CERS4: variants seen among roughly 807,000 people sequenced by gnomAD.
CERS4 encodes the protein ceramide synthase 4, also known as LAG1 homolog, ceramide synthase 4.
A neutral mutation model predicts 51.8 loss-of-function variants in CERS4; 65 were observed. The observed-to-expected ratio is 1.26, with a 90% CI of 1.03 to 1.54. The LOEUF is 1.54. Ranked by LOEUF, CERS4 falls within the 40% of genes most tolerant of loss-of-function variation. CERS4 has a pLI of 0.00. For missense variants in CERS4, 563 were observed against 500.4 expected (o/e 1.13, Z -1.19); for synonymous variants, 228 against 208.4 (o/e 1.09, Z -0.81).
chr19:8,257,210 G>A (rs1969438885), intron 9 of CERS4, 133 bp downstream of exon 9: 2 of 944,484 alleles, frequency 2.1e-6, no homozygotes, highest in African/African-American at 1.7e-5. Flanking sequence ...CTCGGGTGAT[G>A]AGGCCCTGCC....
At chr19:8,212,998 A>T (rs1206887914) in intron 2 of CERS4, among the ~76,000 whole-genome samples, 1 of 151,488 alleles carries the variant, frequency 6.6e-6, no homozygotes, top group Non-Finnish European at 1.5e-5. Flanking sequence ...TCTGTTCCCC[A>T]TGCCTTTCAG....
Position 8,221,883 on chromosome 19 carries a change from T to A in CERS4, c.-2+11021T>A, listed in dbSNP as rs1454476126. On this transcript the variant is annotated intron_variant, in intron 2 of 11. Coordinates refer to ENST00000251363, the MANE Select transcript of CERS4 (RefSeq NM_024552.3). ...ATTTATTTTTTTATGTTTTTTTTTT[T>A]TTTTTTTTTTTTTTTTGAGACAGAG... is the stretch of plus-strand genomic sequence containing the variant. Among the ~76,000 whole-genome samples the A allele has an allele frequency of 2.2e-3, 215 of 99,324 alleles. 3 individuals are homozygous for A. The highest frequency in any genetic ancestry group is 8.0e-3 in the African/African-American group (207 of 25,796). The allele number at this position is 99,324 out of a possible 152,430, so 65.2% of individuals were successfully genotyped here. A position where few individuals can be genotyped will look rare whatever the true frequency, so the allele number is the denominator to read the frequency against.
At chr19:8,235,427 TC>T (rs1217633180) in intron 2 of CERS4, among the ~76,000 whole-genome samples, 1 of 151,394 alleles carries the variant, frequency 6.6e-6, no homozygotes, top group African/African-American at 2.4e-5. Context: ...TGCTTTTTTT[TC>T]CCCATTTGCT....
At position 8,233,181 on chromosome 19, in the gene CERS4, TG is replaced by T. The variant is rs528409111; in HGVS notation, c.-1-17889del. 1.7e-3 allele frequency among the ~76,000 whole-genome samples: 252 copies of T among 151,946 alleles called. 1 individual carries two copies. Among genetic ancestry groups the T allele is most frequent in the African/African-American group, 5.7e-3 (238 of 41,448 alleles). On this transcript the variant is annotated intron_variant, in intron 2 of 11. Coordinates refer to ENST00000251363, the MANE Select transcript of CERS4 (RefSeq NM_024552.3). ...CCACCACACTCGGCTAATTTTTTTT[TG>T]GGGGGCGGAGTCTTGCTCTGTCACC...
intron 2 of CERS4, among the ~76,000 whole-genome samples, chr19:8,242,298 G>A (rs909555742): frequency 6.6e-6 from 1 of 152,196 alleles, no homozygotes; most frequent in Non-Finnish European, 1.5e-5. Context: ...GGTGAGGTTA[G>A]TGAGAGAGTA....
intron 2 of CERS4, among the ~76,000 whole-genome samples, chr19:8,216,909 A>G (rs544688402): frequency 1.0e-3 from 152 of 151,904 alleles, no homozygotes; most frequent in African/African-American, 3.6e-3. Flanking sequence ...CCCAGACTCT[A>G]CTCCCTACTT....
At chr19:8,234,081 C>A (rs1434606979) in intron 2 of CERS4, among the ~76,000 whole-genome samples, 7 of 151,714 alleles carry the variant, frequency 4.6e-5, no homozygotes, top group African/African-American at 1.2e-4. Context: ...CCGAGGCGGG[C>A]GGATCACGAG....
intron 2 of CERS4, among the ~76,000 whole-genome samples, chr19:8,212,734 G>A (rs939779195): frequency 3.9e-5 from 6 of 151,968 alleles, no homozygotes; most frequent in African/African-American, 1.5e-4. Context: ...CACCTCCCGG[G>A]TTCAAGCAAT....
intron 2 of CERS4, among the ~76,000 whole-genome samples, chr19:8,234,042 C>T (rs1280916221): frequency 1.3e-5 from 2 of 151,512 alleles, no homozygotes; most frequent in African/African-American, 2.4e-5. Context: ...CGTGGTGGCT[C>T]ACGCCTGTAA....
In CERS4 at chr19:8,261,857, C is replaced by A; in HGVS notation, c.1005+13C>A. ...GAAGAAGGGCCAGGTATGGCTGGAC[C>A]TCCCCGGGGGCCCCAGCCCTAAGCT... On this transcript the variant is annotated intron_variant, in intron 11 of 11. Transcript: ENST00000251363. The A allele has an allele frequency of 1.3e-5, 21 of 1,614,016 alleles. 1 individual carries two copies. Among genetic ancestry groups the A allele is most frequent in the Non-Finnish European group, 1.8e-5 (21 of 1,179,894 alleles).
At chr19:8,248,069 G>A (rs748982792) in intron 2 of CERS4, among the ~76,000 whole-genome samples, 4 of 152,020 alleles carry the variant, frequency 2.6e-5, no homozygotes, top group East Asian at 1.9e-4. Context: ...CTCAGGTGGC[G>A]CCTCCTTAGA....
At chr19:8,255,572 C>T (rs1238794825) in intron 4 of CERS4, 35 bp from the exon 5 acceptor site, 14 of 1,571,112 alleles carry the variant, frequency 8.9e-6, no homozygotes, top group Non-Finnish European at 1.2e-5. Flanking sequence ...ACCACAGGGC[C>T]TCTGTGACCC....
intron 10 of CERS4, among the ~76,000 whole-genome samples, chr19:8,259,582 G>A (rs977751869): frequency 6.6e-6 from 1 of 152,068 alleles, no homozygotes; most frequent in African/African-American, 2.4e-5. Context: ...GGAGTGAGGG[G>A]ACCCAGGGTA....
At chr19:8,224,750 T>C (rs1037888062) in intron 2 of CERS4, among the ~76,000 whole-genome samples, 10 of 151,712 alleles carry the variant, frequency 6.6e-5, no homozygotes, top group Middle Eastern at 3.4e-3. Flanking sequence ...AATCAAGAAA[T>C]GGGAGCCGTG....
At chr19:8,253,525 T>C (rs1430264546) in intron 3 of CERS4, among the ~76,000 whole-genome samples, 1 of 146,312 alleles carries the variant, frequency 6.8e-6, no homozygotes, top group African/African-American at 2.6e-5. Context: ...AGTGGTGCGA[T>C]CTCGACTCAC....
intron 2 of CERS4, among the ~76,000 whole-genome samples, chr19:8,249,824 C>T (rs1163775136): frequency 2.0e-5 from 3 of 150,886 alleles, no homozygotes; most frequent in East Asian, 2.0e-4. Context: ...TTCCTGACCT[C>T]GTGATCCACC....
chr19:8,248,579 TGATG>T (rs914826549), intron 2 of CERS4, among the ~76,000 whole-genome samples: 17 of 150,178 alleles, frequency 1.1e-4, no homozygotes, highest in South Asian at 4.2e-4. Flanking sequence ...GACAGATGGA[TGATG>T]GATGGATGGG....
chr19:8,258,066 G>A (rs1196692989), intron 10 of CERS4, 81 bp downstream of exon 10: 8 of 1,086,120 alleles, frequency 7.4e-6, no homozygotes, highest in Non-Finnish European at 1.1e-5. Context: ...TTGGTACCCT[G>A]CCCCAAGGAG....
intron 7 of CERS4, 67 bp from the exon 8 acceptor site, chr19:8,256,551 G>A (rs567059904): frequency 1.6e-4 from 239 of 1,452,848 alleles, no homozygotes; most frequent in South Asian, 2.6e-4. Context: ...GAGTGGGCCC[G>A]GAGCCATACC....
Sources: gnomAD v4.1 joint callset for allele counts (sites outside exome capture counted in the v4.1 genomes callset) on GRCh38, gnomAD v4.1.1 for gene constraint, MANE v1.5 for transcripts, NCBI Gene and HGNC (gene_info 2026-07-23, HGNC 2026-07-21) for gene names.